Variants in GRAMD1B observed in about 807,000 individuals in gnomAD.
GRAMD1B encodes the protein GRAM domain containing 1B.
In GRAMD1B, 37 loss-of-function variants were observed where a neutral mutation model predicts 99.7. That is an observed-to-expected ratio of 0.37 (90% CI 0.29 to 0.49). The LOEUF (loss-of-function observed/expected upper bound fraction) is 0.49, where lower values mean the gene tolerates loss of function less well. Among genes scored for constraint, GRAMD1B ranks in the 20% least tolerant of loss-of-function variants. GRAMD1B has a pLI of 0.98. For synonymous variants in GRAMD1B, 427 were observed against 387.6 expected, an observed-to-expected ratio of 1.10 and a Z score of -1.19; for missense variants, 888 against 1,009.2, an observed-to-expected ratio of 0.88 and a Z score of 1.63.
At chr11:123,508,525 T>A (rs957768293) in intron 2 of GRAMD1B, among the ~76,000 whole-genome samples, 1 of 152,194 alleles carries the variant, frequency 6.6e-6, no homozygotes, top group Non-Finnish European at 1.5e-5. Flanking sequence ...TTGTCACAAT[T>A]ATTGTTCCTG....
At chr11:123,484,287 A>G (rs1323632256) in intron 2 of GRAMD1B, among the ~76,000 whole-genome samples, 1 of 152,136 alleles carries the variant, frequency 6.6e-6, no homozygotes, top group Non-Finnish European at 1.5e-5. Flanking sequence ...CCTGGAAGAG[A>G]TGAGTAGTGC....
At chr11:123,580,161 C>T (rs574239947) in intron 3 of GRAMD1B, among the ~76,000 whole-genome samples, 5 of 152,302 alleles carry the variant, frequency 3.3e-5, no homozygotes, top group African/African-American at 1.2e-4. Flanking sequence ...ACTGTAGCAT[C>T]CCACGTGGAG....
At chr11:123,399,251 A>C (rs907426593) in intron 1 of GRAMD1B, among the ~76,000 whole-genome samples, 4 of 152,338 alleles carry the variant, frequency 2.6e-5, no homozygotes, top group Admixed American at 6.5e-5. Context: ...ATGTTGTCCC[A>C]AGTGATAGTA....
intron 2 of GRAMD1B, among the ~76,000 whole-genome samples, chr11:123,512,467 C>T (rs138922230): frequency 1.6e-4 from 24 of 152,296 alleles, no homozygotes; most frequent in Middle Eastern, 3.4e-3. Context: ...TACTTAGGCC[C>T]TTGCTGTCCC....
chr11:123,442,228 A>G (rs75252611), intron 1 of GRAMD1B, among the ~76,000 whole-genome samples: 4,001 of 152,272 alleles, frequency 0.026, 100 homozygotes, highest in Middle Eastern at 0.095. Context: ...TGCCAATCAC[A>G]AGTTAGAGCT....
At chr11:123,435,452 C>T in intron 1 of GRAMD1B, 1 of 702,612 alleles carries the variant, frequency 1.4e-6, no homozygotes, top group Non-Finnish European at 2.6e-6. Flanking sequence ...TGCGGATTTT[C>T]ACTGCACAAA....
chr11:123,458,540 T>G (rs1950261670), intron 1 of GRAMD1B: 1 of 152,138 alleles, frequency 6.6e-6, no homozygotes, highest in South Asian at 2.1e-4. Context: ...TTTAATCCAG[T>G]CAAACTGACA....
chr11:123,386,135 C>T (rs1042315926), intron 1 of GRAMD1B, among the ~76,000 whole-genome samples: 1 of 152,140 alleles, frequency 6.6e-6, no homozygotes, highest in African/African-American at 2.4e-5. Flanking sequence ...TAAGTTTTCC[C>T]ATCTGTCAAG....
chr11:123,579,733 C>T (rs1387564024), intron 3 of GRAMD1B, among the ~76,000 whole-genome samples: 8 of 152,174 alleles, frequency 5.3e-5, no homozygotes, highest in African/African-American at 1.9e-4. Context: ...CATCCAGATT[C>T]TGTACACCCT....
intron 1 of GRAMD1B, among the ~76,000 whole-genome samples, chr11:123,399,208 T>C (rs1947571175): frequency 6.6e-6 from 1 of 152,244 alleles, no homozygotes; most frequent in Non-Finnish European, 1.5e-5. Flanking sequence ...GCCTGGCTTA[T>C]TTCACTTAAC....
intron 1 of GRAMD1B, chr11:123,459,864 A>C (rs1591593608): frequency 6.6e-6 from 1 of 152,218 alleles, no homozygotes; most frequent in African/African-American, 2.4e-5. Flanking sequence ...CTTGCCTCTC[A>C]TCTGTTTTCT....
At chr11:123,560,710 G>A (rs1369018925) in intron 2 of GRAMD1B, 3 of 453,734 alleles carry the variant, frequency 6.6e-6, no homozygotes, top group African/African-American at 4.0e-5. Flanking sequence ...GTGTGTGTGT[G>A]TGTGTGTGTG....
chr11:123,451,980 C>T (rs368987679), intron 1 of GRAMD1B, among the ~76,000 whole-genome samples: 4 of 152,200 alleles, frequency 2.6e-5, no homozygotes, highest in East Asian at 3.9e-4. Context: ...ACCACAGGCA[C>T]GTGCCACCAT....
chr11:123,479,296 C>T (rs1244198802), intron 1 of GRAMD1B, among the ~76,000 whole-genome samples: 7 of 152,170 alleles, frequency 4.6e-5, no homozygotes, highest in African/African-American at 1.4e-4. Context: ...GCTGGAAGAA[C>T]GGAACATAAG....
intron 1 of GRAMD1B, among the ~76,000 whole-genome samples, chr11:123,472,769 AG>A (rs1951080373): frequency 6.6e-6 from 1 of 152,202 alleles, no homozygotes; most frequent in African/African-American, 2.4e-5. Context: ...CTTATTATCC[AG>A]ATGGGCTTTC....
At chr11:123,406,906 G>C (rs895775060) in intron 1 of GRAMD1B, among the ~76,000 whole-genome samples, 31 of 152,184 alleles carry the variant, frequency 2.0e-4, no homozygotes, top group African/African-American at 7.2e-4. Flanking sequence ...CAATGTGCCA[G>C]ACACTGTTTC....
rs188602017 is a variant in GRAMD1B at position 123,529,120 on chromosome 11, C to G, written c.452+48227C>G. Among the ~76,000 whole-genome samples, 1,113 of 152,288 alleles carry G rather than the reference C, an allele frequency of 7.3e-3. 8 individuals are homozygous for G. The highest frequency in any genetic ancestry group is 0.012 in the Non-Finnish European group (786 of 68,018). ...AAAAATTTAAAGGGCAATGCTTTGG[C>G]CTTTTAGGGGCTGGTAGCCTCACAG... is the stretch of plus-strand genomic sequence containing the variant. On this transcript the variant is annotated intron_variant, in intron 2 of 19. Coordinates refer to ENST00000635736, the MANE Select transcript of GRAMD1B (RefSeq NM_001387025.1).
rs1953380302 is a variant in GRAMD1B, at chr11:123,610,414, G to A, written c.1919+76G>A. On this transcript the variant is annotated intron_variant, in intron 14 of 19. Coordinates refer to ENST00000635736, the MANE Select transcript of GRAMD1B (RefSeq NM_001387025.1). The surrounding 1 kb of genome is among the most constrained non-coding windows in gnomAD (Gnocchi z 4.1). The stretch of plus-strand genomic sequence containing the variant: ...AGAACATTCATTTGCTCCTGACGGG[G>A]AAGGAGGAGGTGGGGAGTGCTTGGC... 2 of 1,438,048 alleles carry A rather than the reference G, an allele frequency of 1.4e-6. No homozygotes were observed. 89.1% of individuals were successfully genotyped at this position (1,438,048 alleles called of 1,614,324 possible).
At chr11:123,433,636 G>C (rs1380863327) in intron 1 of GRAMD1B, among the ~76,000 whole-genome samples, 1 of 151,814 alleles carries the variant, frequency 6.6e-6, no homozygotes, top group Non-Finnish European at 1.5e-5. Context: ...CTGCATTTCA[G>C]CCATGGTGAG....
Sources: allele counts gnomAD v4.1 joint callset (sites outside exome capture counted in the v4.1 genomes callset), GRCh38; gene constraint gnomAD v4.1.1; non-coding constraint Gnocchi (gnomAD v3.1); transcripts MANE v1.5; gene names NCBI Gene and HGNC (gene_info 2026-07-23, HGNC 2026-07-21).